The following GALNT2 variants were observed in gnomAD, a reference collection of about 807,000 sequenced individuals.
GALNT2 encodes the protein UDP-GalNAc:polypeptide N-acetylgalactosaminyltransferase 2.
Under a neutral mutation model 81.4 loss-of-function variants are expected in GALNT2, and 31 were observed. The ratio of observed to expected loss-of-function variants is 0.38; its 90% CI spans 0.29 to 0.51. The LOEUF is 0.51. Ranked by LOEUF, GALNT2 falls within the 20% of genes least tolerant of loss-of-function variation. The pLI, the probability that GALNT2 is intolerant of heterozygous loss-of-function variation, is 0.87. For synonymous variants in GALNT2, 303 were observed against 287.4 expected, an observed-to-expected ratio of 1.05 and a Z score of -0.55; for missense variants, 629 against 765.7, an observed-to-expected ratio of 0.82 and a Z score of 2.11.
At chr1:230,258,382 A>G (rs1026013035) in intron 11 of GALNT2, among the ~76,000 whole-genome samples, 6 of 151,682 alleles carry the variant, frequency 4.0e-5, no homozygotes, top group African/African-American at 1.5e-4. Flanking sequence ...GGCATGCGCC[A>G]CCACACCCAG....
At chr1:230,134,421 G>A (rs1661471600) in intron 1 of GALNT2, among the ~76,000 whole-genome samples, 3 of 152,128 alleles carry the variant, frequency 2.0e-5, no homozygotes, top group African/African-American at 7.2e-5. Context: ...TGGTATTTTT[G>A]AGAAGTGCAG....
At chr1:230,259,771 G>A (rs1665823472) in intron 11 of GALNT2, 1 of 152,184 alleles carries the variant, frequency 6.6e-6, no homozygotes, top group South Asian at 2.1e-4. Context: ...AGCCTGAAAA[G>A]ACATTACAAA....
At chr1:230,117,813 G>A (rs1360831681) in intron 1 of GALNT2, among the ~76,000 whole-genome samples, 2 of 152,218 alleles carry the variant, frequency 1.3e-5, no homozygotes, top group African/African-American at 4.8e-5. Flanking sequence ...TAGAAAAAAT[G>A]GCAGTGATAG....
At chr1:230,249,370 T>C (rs1216837824) in intron 9 of GALNT2, 99 bp downstream of exon 9, 1 of 970,098 alleles carries the variant, frequency 1.0e-6, no homozygotes, top group Non-Finnish European at 1.6e-6. Context: ...GTGGGGGCTG[T>C]TCACCTTCTG....
chr1:230,091,314 T>C (rs1660070801), intron 1 of GALNT2, among the ~76,000 whole-genome samples: 1 of 152,066 alleles, frequency 6.6e-6, no homozygotes, highest in South Asian at 2.1e-4. Flanking sequence ...GACCTTGTGA[T>C]ACGGCCACCT....
intron 1 of GALNT2, among the ~76,000 whole-genome samples, chr1:230,137,954 A>G (rs1192785545): frequency 6.6e-6 from 1 of 152,222 alleles, no homozygotes; most frequent in African/African-American, 2.4e-5. Context: ...TTTGTTTTAC[A>G]AGCAGTAGTG....
chr1:230,191,061 TCTC>T (rs973601545), intron 2 of GALNT2, among the ~76,000 whole-genome samples: 6 of 152,294 alleles, frequency 3.9e-5, no homozygotes, highest in African/African-American at 1.2e-4. Flanking sequence ...TCATTGTCCT[TCTC>T]CTGTTCCAAC....
chr1:230,231,204 A>T (rs181305048), intron 3 of GALNT2, among the ~76,000 whole-genome samples: 3 of 152,328 alleles, frequency 2.0e-5, no homozygotes, highest in Admixed American at 6.5e-5. Flanking sequence ...CCAAATGCAA[A>T]TTATAAGCCT....
At chr1:230,084,947 C>G (rs1044628148) in intron 1 of GALNT2, among the ~76,000 whole-genome samples, 3 of 152,112 alleles carry the variant, frequency 2.0e-5, no homozygotes, top group African/African-American at 7.2e-5. Context: ...CTTGCTCTTG[C>G]AGCTGAACAG....
intron 6 of GALNT2, among the ~76,000 whole-genome samples, chr1:230,238,341 C>T (rs887763000): frequency 2.6e-5 from 4 of 152,098 alleles, no homozygotes; most frequent in Non-Finnish European, 5.9e-5. Context: ...ATTAGAAGCA[C>T]CTAGGGAATT....
intron 1 of GALNT2, among the ~76,000 whole-genome samples, chr1:230,079,260 A>C (rs1468180594): frequency 1.3e-5 from 2 of 152,246 alleles, no homozygotes; most frequent in Non-Finnish European, 2.9e-5. Flanking sequence ...TGTAAGGTAT[A>C]ATTCCTGGTA....
intron 14 of GALNT2, among the ~76,000 whole-genome samples, chr1:230,266,479 A>AT (rs1297071857): frequency 1.3e-5 from 2 of 152,136 alleles, no homozygotes; most frequent in African/African-American, 4.8e-5. Context: ...GAATGTATTG[A>AT]TTTCTTAACT....
chr1:230,276,847 C>G (rs1044667569), intron 15 of GALNT2, among the ~76,000 whole-genome samples: 3 of 152,158 alleles, frequency 2.0e-5, no homozygotes, highest in African/African-American at 7.2e-5. Context: ...CTCATTGGCC[C>G]CTCGAGAGGA....
chr1:230,224,286 G>A (rs1387165767), intron 3 of GALNT2, among the ~76,000 whole-genome samples: 1 of 152,200 alleles, frequency 6.6e-6, no homozygotes, highest in Non-Finnish European at 1.5e-5. Context: ...ATCCAGAAAA[G>A]GCAGCTTGTC....
chr1:230,236,370 C>G lies in GALNT2; in HGVS notation c.491C>G (p.Pro164Arg), dbSNP rs141843529. ...TTTCTTAGCGTGCTTAAGAAAAGCCCGCCCCATCTCATAAAAGAAATCATC... is the reference window on the plus strand; with the variant it reads ...TTTCTTAGCGTGCTTAAGAAAAGCCGGCCCCATCTCATAAAAGAAATCATC... Reference protein sequence around the residue: ...RTVVSVLKKSPPHLIKEIILV... With the variant: ...RTVVSVLKKSRPHLIKEIILV... Residue 164 changes from proline (P) to arginine (R), a missense_variant, in exon 5 of 16, where the codon CCG becomes CGG. By Grantham distance (103) the Pro-to-Arg change is moderately radical. Around this residue, in one of 3 missense-constraint regions of GALNT2, gnomAD observed 360 missense variants for 492.8 expected, o/e 0.73. Coordinates refer to ENST00000366672, the MANE Select transcript of GALNT2 (RefSeq NM_004481.5). 93 of 1,613,980 alleles carry G rather than the reference C, an allele frequency of 5.8e-5. No homozygotes were observed. In the African/African-American group the frequency reaches 1.2e-3, roughly 20 times the overall value.
intron 14 of GALNT2, among the ~76,000 whole-genome samples, chr1:230,265,925 C>T (rs1666025289): frequency 6.6e-6 from 1 of 152,220 alleles, no homozygotes; most frequent in Admixed American, 6.5e-5. Flanking sequence ...GGCGCCGTGG[C>T]GCACGCCTGT....
intron 12 of GALNT2, 104 bp from the exon 13 acceptor site, chr1:230,262,818 C>A: frequency 7.5e-7 from 1 of 1,329,420 alleles, no homozygotes; most frequent in Non-Finnish European, 1.1e-6. Flanking sequence ...CCACACCACA[C>A]CACCTGCCCC....
At position 230,280,283 on chromosome 1, in the gene GALNT2, A is replaced by C. The variant is rs1666401432; in HGVS notation, c.*825A>C. 1 of 305,498 alleles carries C rather than the reference A, an allele frequency of 3.3e-6. No homozygotes were observed. The highest frequency in any genetic ancestry group is 6.5e-6 in the Non-Finnish European group (1 of 153,600). 18.9% of individuals were successfully genotyped at this position (305,498 alleles called of 1,614,324 possible). A position where few individuals can be genotyped will look rare whatever the true frequency, so the allele number is the denominator to read the frequency against. On this transcript the variant is annotated 3_prime_UTR_variant, in exon 16 of 16. Transcript: ENST00000366672. ...CCAGCTGGGGGGCTTCCTCCAGACC[A>C]CCGGCCTCGGCCCCGGCATCCCTGT...
chr1:230,203,321 T>C (rs749748782), intron 3 of GALNT2, 31 bp downstream of exon 3: 4 of 1,607,056 alleles, frequency 2.5e-6, no homozygotes, highest in Non-Finnish European at 3.4e-6. Flanking sequence ...CTGCTGCAGC[T>C]TCATTTGCTT....
Sources: allele counts gnomAD v4.1 joint callset (sites outside exome capture counted in the v4.1 genomes callset), GRCh38; gene constraint gnomAD v4.1.1; regional missense constraint gnomAD v4.1.1; transcripts MANE v1.5; gene names NCBI Gene and HGNC (gene_info 2026-07-23, HGNC 2026-07-21).